The following CC2D2A variants were observed in gnomAD, a reference collection of about 807,000 sequenced individuals.
CC2D2A encodes the protein coiled-coil and C2 domain containing 2A.
CC2D2A carries 155 observed loss-of-function variants against 212.9 expected under a neutral mutation model. That is an observed-to-expected ratio of 0.73 (90% CI 0.64 to 0.83). The LOEUF (loss-of-function observed/expected upper bound fraction) is 0.83. Among genes scored for constraint, CC2D2A ranks in the 40% least tolerant of loss-of-function variants. The pLI is 0.00. For synonymous variants in CC2D2A, 667 were observed against 686.5 expected, an observed-to-expected ratio of 0.97 and a Z score of 0.44; for missense variants, 1,856 against 1,956.2, an observed-to-expected ratio of 0.95 and a Z score of 0.97.
chr4:15,496,336 G>A (rs1296222708), intron 4 of CC2D2A, among the ~76,000 whole-genome samples: 1 of 152,090 alleles, frequency 6.6e-6, no homozygotes, highest in Non-Finnish European at 1.5e-5. Flanking sequence ...TATTTCCTAG[G>A]TTTACTTTTA....
chr4:15,486,085 G>A (rs1276203048), intron 4 of CC2D2A, among the ~76,000 whole-genome samples: 2 of 152,022 alleles, frequency 1.3e-5, no homozygotes, highest in African/African-American at 4.8e-5. Context: ...GATGATTTTT[G>A]CATCAGTGTG....
intron 24 of CC2D2A, chr4:15,563,805 C>A: frequency 3.0e-6 from 1 of 328,610 alleles, no homozygotes. Context: ...CCTGAGGCCC[C>A]GTGGTCTCTC....
Position 15,479,467 on chromosome 4 carries a change from G to A in CC2D2A, c.123+661G>A, listed in dbSNP as rs1328286717. ...AGCGCCATTTTGAGCCAGCAGTCACGTGAAGGGGCTGCAGAGAGGGGTGGC... is the reference window on the plus strand; with the variant it reads ...AGCGCCATTTTGAGCCAGCAGTCACATGAAGGGGCTGCAGAGAGGGGTGGC... On this transcript the variant is annotated intron_variant, in intron 3 of 36. Transcript: ENST00000424120. 1.5e-5 allele frequency: 11 copies of A among 717,476 alleles called. 1 individual carries two copies. Among genetic ancestry groups the A allele is most frequent in the South Asian group, 6.4e-5 (4 of 62,512 alleles). The allele number at this position is 717,476 out of a possible 1,614,324, so 44.4% of individuals were successfully genotyped here. A position where few individuals can be genotyped will look rare whatever the true frequency, so the allele number is the denominator to read the frequency against.
intron 14 of CC2D2A, among the ~76,000 whole-genome samples, chr4:15,533,834 C>T (rs1254474977): frequency 1.3e-5 from 2 of 152,168 alleles, no homozygotes; most frequent in Non-Finnish European, 2.9e-5. Flanking sequence ...TCAACTGTTA[C>T]AGAAACCACT....
In CC2D2A at chr4:15,511,222, G is replaced by T. The variant is rs16892080; in HGVS notation, c.541-25G>T. 12,124 of 1,575,272 alleles carry T rather than the reference G, an allele frequency of 7.7e-3. 825 individuals are homozygous for T. In the African/African-American group the frequency reaches 0.14, roughly 19 times the overall value. On this transcript the variant is annotated intron_variant, in intron 7 of 36. Coordinates refer to ENST00000424120, the MANE Select transcript of CC2D2A (RefSeq NM_001378615.1). ...CATTACAGCTTATAAATGGGAAATTGCGATTGCTCCTTGCTTTTCGTTAGG... is the reference window on the plus strand; with the variant it reads ...CATTACAGCTTATAAATGGGAAATTTCGATTGCTCCTTGCTTTTCGTTAGG...
chr4:15,600,921 AG>A (rs1447516928), intron 36 of CC2D2A, among the ~76,000 whole-genome samples: 25 of 151,272 alleles, frequency 1.7e-4, no homozygotes, highest in Non-Finnish European at 3.1e-4. Context: ...AAAAAAAAAA[AG>A]AAAAAAGAAA....
intron 4 of CC2D2A, among the ~76,000 whole-genome samples, chr4:15,497,032 T>A (rs921489561): frequency 6.6e-6 from 1 of 152,202 alleles, no homozygotes; most frequent in Admixed American, 6.5e-5. Context: ...AAACTACTGA[T>A]GACATTTTGC....
In CC2D2A at chr4:15,478,825, C is replaced by T. The variant is rs142821756; in HGVS notation, c.123+19C>T. 42 of 1,536,030 alleles carry T rather than the reference C, an allele frequency of 2.7e-5. No individual in the cohort carries two copies. The African/African-American group carries it at 3.4e-4, about 13-fold the overall frequency. On this transcript the variant is annotated intron_variant, in intron 3 of 36. Coordinates refer to ENST00000424120, the MANE Select transcript of CC2D2A (RefSeq NM_001378615.1). The stretch of plus-strand genomic sequence containing the variant: ...GAAACAGGTAAGAAGTGACAAGAAA[C>T]TGTGTCTGCGTATTGTCATTGATCA...
chr4:15,592,913 T>C (rs977443705), intron 33 of CC2D2A, among the ~76,000 whole-genome samples: 2 of 152,210 alleles, frequency 1.3e-5, no homozygotes, highest in Non-Finnish European at 2.9e-5. Context: ...ATATCACTTA[T>C]CCTGATTCAA....
chr4:15,599,783 G>A (rs1217969887), intron 36 of CC2D2A, 77 bp downstream of exon 36: 2 of 1,158,306 alleles, frequency 1.7e-6, no homozygotes, highest in Middle Eastern at 2.1e-4. Flanking sequence ...ATAGGTTTCT[G>A]GAATCAAAAG....
In CC2D2A at chr4:15,557,211, A is replaced by G. The variant is rs1051471116; in HGVS notation, c.2626-93A>G. ...TTTTGTCTTTCAAGTCTTTTAATCT[A>G]AAACTGTTAAATGTTCCTTGACACT... On this transcript the variant is annotated intron_variant, in intron 20 of 36. Coordinates refer to ENST00000424120, the MANE Select transcript of CC2D2A (RefSeq NM_001378615.1). The G allele has an allele frequency of 8.3e-6, 6 of 722,712 alleles. No individual in the cohort carries two copies. The African/African-American group carries it at 8.9e-5, about 11-fold the overall frequency. The allele number at this position is 722,712 out of a possible 1,614,324, so 44.8% of individuals were successfully genotyped here. A position where few individuals can be genotyped will look rare whatever the true frequency, so the allele number is the denominator to read the frequency against.
At chr4:15,597,082 A>AT (rs1021101389) in intron 34 of CC2D2A, among the ~76,000 whole-genome samples, 1 of 152,042 alleles carries the variant, frequency 6.6e-6, no homozygotes, top group Non-Finnish European at 1.5e-5. Context: ...GAAGACAGGA[A>AT]TTTTTTTTCA....
At chr4:15,510,316 C>A (rs1716498259) in intron 7 of CC2D2A, 76 bp downstream of exon 7, 1 of 1,319,060 alleles carries the variant, frequency 7.6e-7, no homozygotes, top group Non-Finnish European at 1.1e-6. Flanking sequence ...TGACTACAGG[C>A]CGGGTGTGGT....
rs56039505 is a variant in CC2D2A at position 15,470,649 on chromosome 4, A to ATCTC, written c.-19+630_-19+633dup. ...CAAATAAATTCAGCACCAGCATGAAATCTCTCTCTCTCTCTCTCTCTCTCT... is the reference window on the plus strand; with the variant it reads ...CAAATAAATTCAGCACCAGCATGAAATCTCTCTCTCTCTCTCTCTCTCTCTCTCT... On this transcript the variant is annotated intron_variant, in intron 1 of 36. Transcript: ENST00000424120. 5.3e-3 allele frequency among the ~76,000 whole-genome samples: 521 copies of ATCTC among 98,142 alleles called. 2 individuals are homozygous for ATCTC. Among genetic ancestry groups the ATCTC allele is most frequent in the Non-Finnish European group, 6.1e-3 (343 of 56,642 alleles). The allele number at this position is 98,142 out of a possible 152,430, so 64.4% of individuals were successfully genotyped here.
chr4:15,504,125 C>G (rs772954119), intron 6 of CC2D2A, among the ~76,000 whole-genome samples: 3 of 152,058 alleles, frequency 2.0e-5, no homozygotes, highest in African/African-American at 4.8e-5. Flanking sequence ...TTAAATGATG[C>G]CTTTTCTTTT....
At chr4:15,479,473 G>A (rs1273572472) in intron 3 of CC2D2A, 5 of 698,150 alleles carry the variant, frequency 7.2e-6, no homozygotes, top group Non-Finnish European at 1.3e-5. Context: ...TCACGTGAAG[G>A]GGCTGCAGAG....
chr4:15,550,683 C>A, intron 17 of CC2D2A, 141 bp from the exon 18 acceptor site: 1 of 513,594 alleles, frequency 1.9e-6, no homozygotes, highest in Non-Finnish European at 3.2e-6. Flanking sequence ...TATAGTAACA[C>A]AACTCAACTT....
At chr4:15,528,914 G>A (rs1374734327) in intron 13 of CC2D2A, among the ~76,000 whole-genome samples, 188 bp downstream of exon 13, 2 of 152,174 alleles carry the variant, frequency 1.3e-5, no homozygotes, top group Non-Finnish European at 1.5e-5. Flanking sequence ...AGGATGTAAG[G>A]AAATGGTCAC....
intron 17 of CC2D2A, among the ~76,000 whole-genome samples, chr4:15,547,720 A>C (rs1718783383): frequency 6.6e-6 from 1 of 152,214 alleles, no homozygotes. Context: ...CCTAATTTTT[A>C]AAAATAGCAT....
Sources: gnomAD v4.1 joint callset for allele counts (sites outside exome capture counted in the v4.1 genomes callset) on GRCh38, gnomAD v4.1.1 for gene constraint, MANE v1.5 for transcripts, NCBI Gene and HGNC (gene_info 2026-07-23, HGNC 2026-07-21) for gene names.